PARD6G: variants seen among roughly 807,000 people sequenced by gnomAD.
The protein encoded by PARD6G is par-6 family cell polarity regulator gamma, also known as partitioning defective 6 homolog gamma.
A neutral mutation model predicts 10.7 loss-of-function variants in PARD6G; 7 were observed. The ratio of observed to expected loss-of-function variants is 0.66; its 90% confidence interval spans 0.37 to 1.23. The LOEUF is 1.23. Among genes scored for constraint, PARD6G ranks in the 50% most tolerant of loss-of-function variants. The probability of loss-of-function intolerance (pLI) is 0.02; values close to 1 mark genes in which losing one functional copy is unlikely to be tolerated. For synonymous variants in PARD6G, 287 were observed against 269.4 expected (o/e 1.07, Z -0.64); for missense variants, 548 against 571.8 (o/e 0.96, Z 0.42).
In PARD6G at chr18:80,160,068, A is replaced by G; in HGVS notation, c.834T>C (p.Gly278=). 1 of 1,567,130 alleles carries G rather than the reference A, an allele frequency of 6.4e-7. No individual in the cohort carries two copies. The highest frequency in any genetic ancestry group is 2.3e-5 in the East Asian group (1 of 44,248). Reference sequence around the variant, plus strand: ...TCTGCAGGACGCGCGGGGCGGGGGGACCCACGAAGCCCGCGGTGCCGTCCG... The same window carrying G: ...TCTGCAGGACGCGCGGGGCGGGGGGGCCCACGAAGCCCGCGGTGCCGTCCG... ...PPSDGTAGFV[G]PPAPRVLQNF... The change falls in exon 3 of 3, where the codon GGT becomes GGC. Residue 278 remains glycine, a synonymous_variant. Coordinates refer to ENST00000353265, the MANE Select transcript of PARD6G (RefSeq NM_032510.4).
chr18:80,193,199 G>A (rs1308163827), intron 2 of PARD6G, among the ~76,000 whole-genome samples: 1 of 152,184 alleles, frequency 6.6e-6, no homozygotes, highest in Non-Finnish European at 1.5e-5. Context: ...CTAGGAGCCT[G>A]TGGCCTGGGG....
chr18:80,243,536 G>C (rs1439004093), intron 1 of PARD6G, among the ~76,000 whole-genome samples: 2 of 152,080 alleles, frequency 1.3e-5, no homozygotes, highest in Non-Finnish European at 2.9e-5. Context: ...TGTTAGCTTA[G>C]AATCCAAAAA....
chr18:80,234,493 C>T (rs1192118351), intron 1 of PARD6G, among the ~76,000 whole-genome samples: 1 of 152,154 alleles, frequency 6.6e-6, no homozygotes, highest in Non-Finnish European at 1.5e-5. Flanking sequence ...AACTGCCTCA[C>T]CCCAAATCCA....
intron 2 of PARD6G, chr18:80,170,060 G>A (rs1285715334): frequency 6.6e-6 from 1 of 152,224 alleles, no homozygotes; most frequent in Non-Finnish European, 1.5e-5. Context: ...ATCCAAGGGT[G>A]GTTAAGACCA....
Position 80,230,221 on chromosome 18 carries a change from G to A in PARD6G, c.72+17056C>T, listed in dbSNP as rs117132396. 4.1e-4 allele frequency among the ~76,000 whole-genome samples: 62 copies of A among 152,340 alleles called. No homozygotes were observed. In the East Asian group the frequency reaches 0.011, roughly 27 times the overall value. On this transcript the variant is annotated intron_variant, in intron 1 of 2. Coordinates refer to ENST00000353265, the MANE Select transcript of PARD6G (RefSeq NM_032510.4). ...ATTCCAGCTGTAAAGGATCTCACGC[G>A]TGTGCATGGCAAACATGAGCTGCCT...
At chr18:80,171,214 A>C (rs956049438) in intron 2 of PARD6G, 14 of 152,360 alleles carry the variant, frequency 9.2e-5, no homozygotes, top group African/African-American at 3.1e-4. Context: ...TCAGGAAAGA[A>C]GACTCTACCG....
intron 1 of PARD6G, among the ~76,000 whole-genome samples, chr18:80,210,041 G>T (rs1967092521): frequency 6.6e-6 from 1 of 152,134 alleles, no homozygotes; most frequent in African/African-American, 2.4e-5. Flanking sequence ...CTCGAGAAGT[G>T]CTTGTTGAAT....
chr18:80,243,838 C>T (rs1967514696), intron 1 of PARD6G, among the ~76,000 whole-genome samples: 1 of 152,114 alleles, frequency 6.6e-6, no homozygotes, highest in African/African-American at 2.4e-5. Context: ...TAGGGAAACA[C>T]AGGCCAAAGA....
chr18:80,177,838 C>T (rs1316619322), intron 2 of PARD6G, among the ~76,000 whole-genome samples: 1 of 151,024 alleles, frequency 6.6e-6, no homozygotes, highest in African/African-American at 2.4e-5. Context: ...CAGGAAAAAT[C>T]GCAGTCCAAA....
chr18:80,226,680 G>C (rs570771599), intron 1 of PARD6G, among the ~76,000 whole-genome samples: 3 of 152,084 alleles, frequency 2.0e-5, no homozygotes, highest in Non-Finnish European at 4.4e-5. Context: ...CCCTGAACCG[G>C]AGAAAGATTA....
chr18:80,187,920 C>T (rs1329223347), intron 2 of PARD6G: 2 of 152,230 alleles, frequency 1.3e-5, no homozygotes, highest in East Asian at 3.8e-4. Context: ...GTGCTGAATA[C>T]ACTAGGCAAC....
intron 2 of PARD6G, among the ~76,000 whole-genome samples, chr18:80,166,831 CA>C (rs2052739299): frequency 6.6e-6 from 1 of 151,860 alleles, no homozygotes; most frequent in Admixed American, 6.6e-5. Flanking sequence ...GAAGTCCCTT[CA>C]GGGCCCCTTC....
intron 2 of PARD6G, 79 bp from the exon 3 acceptor site, chr18:80,160,685 C>G: frequency 6.3e-6 from 9 of 1,419,964 alleles, no homozygotes; most frequent in Non-Finnish European, 8.2e-6. Flanking sequence ...CCTGGCACTG[C>G]TGTTCCATCT....
chr18:80,187,423 C>T (rs1375528675), intron 2 of PARD6G, among the ~76,000 whole-genome samples: 6 of 152,354 alleles, frequency 3.9e-5, no homozygotes, highest in Admixed American at 6.5e-5. Flanking sequence ...ATTCTACCCA[C>T]TGTGGACACA....
In PARD6G at chr18:80,228,729, C is replaced by T. The variant is rs1274981764; in HGVS notation, c.72+18548G>A. Among the ~76,000 whole-genome samples, 5 of 151,280 alleles carry T rather than the reference C, an allele frequency of 3.3e-5. No homozygotes were observed. Among genetic ancestry groups the T allele is most frequent in the South Asian group, 2.1e-4 (1 of 4,790 alleles). ...CCTTCTCCACCAAAGACCTGCCTCACACCCCCAGGGGCCTGCCTCCCATCT... is the reference window on the plus strand; with the variant it reads ...CCTTCTCCACCAAAGACCTGCCTCATACCCCCAGGGGCCTGCCTCCCATCT... On this transcript the variant is annotated intron_variant, in intron 1 of 2. Coordinates refer to ENST00000353265, the MANE Select transcript of PARD6G (RefSeq NM_032510.4). This position sits in a 1 kb window ranked among gnomAD's most constrained non-coding sequence, Gnocchi z 4.6.
At chr18:80,212,399 G>A (rs578246915) in intron 1 of PARD6G, among the ~76,000 whole-genome samples, 26 of 152,162 alleles carry the variant, frequency 1.7e-4, no homozygotes, top group Non-Finnish European at 3.5e-4. Flanking sequence ...ACACAAATAC[G>A]TGGCAAGAAA....
At chr18:80,195,904 T>A (rs910284191) in intron 2 of PARD6G, among the ~76,000 whole-genome samples, 2 of 149,896 alleles carry the variant, frequency 1.3e-5, no homozygotes, top group African/African-American at 4.9e-5. Flanking sequence ...TTTTTTTTTT[T>A]AAAGTAAAAA....
intron 1 of PARD6G, among the ~76,000 whole-genome samples, chr18:80,226,358 C>CG (rs1404066256): frequency 3.3e-5 from 5 of 151,698 alleles, no homozygotes; most frequent in African/African-American, 1.2e-4. Context: ...TTAGTAGAGA[C>CG]GGGGGTTCCT....
chr18:80,220,818 C>T (rs1223484072), intron 1 of PARD6G, among the ~76,000 whole-genome samples: 1 of 151,990 alleles, frequency 6.6e-6, no homozygotes, highest in African/African-American at 2.4e-5. Flanking sequence ...ACCATGTTGT[C>T]CAGGCTCCAG....
Sources: gnomAD v4.1 joint callset for allele counts (sites outside exome capture counted in the v4.1 genomes callset) on GRCh38, gnomAD v4.1.1 for gene constraint, Gnocchi (gnomAD v3.1) non-coding constraint, MANE v1.5 for transcripts, NCBI Gene and HGNC (gene_info 2026-07-23, HGNC 2026-07-21) for gene names.